The following TCHP variants were observed in gnomAD, a reference collection of about 807,000 sequenced individuals.
TCHP encodes trichoplein keratin filament binding, also known as trichoplein keratin filament-binding protein.
In TCHP, 81 loss-of-function variants were observed where a neutral mutation model predicts 88.7. The ratio of observed to expected loss-of-function variants is 0.91; its 90% confidence interval spans 0.76 to 1.10. The LOEUF (loss-of-function observed/expected upper bound fraction) is 1.10, where lower values mean the gene tolerates loss of function less well. TCHP is among the 50% of genes least tolerant of loss of function. The pLI is 0.00. For synonymous variants in TCHP, 232 were observed against 232.5 expected (o/e 1.00, Z 0.02); for missense variants, 641 against 632.1 (o/e 1.01, Z -0.15).
chr12:109,904,646 T>C (rs1870019334), intron 3 of TCHP, 91 bp from the exon 4 acceptor site: 1 of 1,183,044 alleles, frequency 8.5e-7, no homozygotes, highest in Non-Finnish European at 1.2e-6. Context: ...GAGGCACTCA[T>C]AGCCTGAGCT....
chr12:109,889,706 TGGCA>T, the TCHP span, among the ~76,000 whole-genome samples: 2 of 152,226 alleles, frequency 1.3e-5, no homozygotes, highest in Non-Finnish European at 2.9e-5. Flanking sequence ...GTTTGCATGC[TGGCA>T]GGCAGGCAGC....
rs757318051 is a variant in TCHP at position 109,907,712 on chromosome 12, C to T, written c.699+13C>T. 6.3e-7 allele frequency: 1 copy of T among 1,581,128 alleles called. No homozygotes were observed. The highest frequency in any genetic ancestry group is 1.1e-5 in the South Asian group (1 of 88,244). On this transcript the variant is annotated intron_variant, in intron 6 of 12. Coordinates refer to ENST00000405876, the MANE Select transcript of TCHP (RefSeq NM_001143852.2). ...GAAGGAGGTGGAGGTGGGCACAAGC[C>T]CCTCTCAGCCGTGACCTCCTCCACA... is the stretch of plus-strand genomic sequence containing the variant.
the TCHP span, among the ~76,000 whole-genome samples, chr12:109,894,496 T>G: frequency 7.3e-6 from 1 of 136,706 alleles, no homozygotes; most frequent in Admixed American, 7.5e-5. Context: ...CCGGGTGCAG[T>G]GGCTCATGGC....
the TCHP span, among the ~76,000 whole-genome samples, chr12:109,891,589 A>G: frequency 2.0e-5 from 3 of 149,976 alleles, no homozygotes; most frequent in South Asian, 6.3e-4. Flanking sequence ...TTTAGTAGAG[A>G]CTGGTTTCAC....
intron 4 of TCHP, among the ~76,000 whole-genome samples, chr12:109,906,053 A>G (rs1317851659): frequency 6.6e-6 from 1 of 152,156 alleles, no homozygotes; most frequent in Admixed American, 6.5e-5. Flanking sequence ...GTTGTGATCC[A>G]TTTTCTAATC....
upstream of TCHP, among the ~76,000 whole-genome samples, chr12:109,899,072 G>A (rs1180378735): frequency 6.6e-6 from 1 of 152,140 alleles, no homozygotes; most frequent in Non-Finnish European, 1.5e-5. Flanking sequence ...ACCCTCCTGG[G>A]CCTCCCAAAG....
upstream of TCHP, among the ~76,000 whole-genome samples, chr12:109,900,064 T>G (rs1869687811): frequency 6.6e-6 from 1 of 152,232 alleles, no homozygotes; most frequent in Admixed American, 6.5e-5. Context: ...ACTTACATTC[T>G]CTTCCCCCTG....
At chr12:109,897,730 G>T (rs560460017), upstream of TCHP, among the ~76,000 whole-genome samples, 13 of 152,006 alleles carry the variant, frequency 8.6e-5, no homozygotes, top group South Asian at 2.7e-3. Context: ...GCTAATTTTT[G>T]TATTTTTAGT....
At chr12:109,900,639 C>T (rs1293677037) in intron 1 of TCHP, 1 of 152,254 alleles carries the variant, frequency 6.6e-6, no homozygotes, top group Non-Finnish European at 1.5e-5. Flanking sequence ...AGCAGCCCAC[C>T]TTGTGGGTGG....
chr12:109,916,990 C>G lies in TCHP; in HGVS notation c.*367C>G, dbSNP rs759191841. ...TTGTCTCACCTTTAATTGTCAACCT[C>G]CAGTGTTGACTCTAGAAATATGAGG... is the stretch of plus-strand genomic sequence containing the variant. On this transcript the variant is annotated 3_prime_UTR_variant, in exon 13 of 13. Coordinates refer to ENST00000405876, the MANE Select transcript of TCHP (RefSeq NM_001143852.2). The G allele has an allele frequency of 9.3e-5, 19 of 204,810 alleles. No individual in the cohort carries two copies. The highest frequency in any genetic ancestry group is 5.5e-4 in the South Asian group (3 of 5,502). The allele number at this position is 204,810 out of a possible 1,614,324, so 12.7% of individuals were successfully genotyped here.
chr12:109,884,260 C>A, the TCHP span, among the ~76,000 whole-genome samples: 1 of 152,042 alleles, frequency 6.6e-6, no homozygotes, highest in Admixed American at 6.6e-5. Flanking sequence ...GCAATCTCAG[C>A]TCACTACAAG....
At chr12:109,898,124 C>G (rs1592902263), upstream of TCHP, among the ~76,000 whole-genome samples, 1 of 152,202 alleles carries the variant, frequency 6.6e-6, no homozygotes. Flanking sequence ...CAAGTTTGGG[C>G]TCACCTGGGA....
the TCHP span, among the ~76,000 whole-genome samples, chr12:109,891,276 A>G: frequency 6.6e-6 from 1 of 152,316 alleles, no homozygotes; most frequent in South Asian, 2.1e-4. Flanking sequence ...GGAAAATTGT[A>G]ACTTTCGCTT....
intron 8 of TCHP, 78 bp downstream of exon 8, chr12:109,909,015 G>A: frequency 2.2e-6 from 3 of 1,347,000 alleles, no homozygotes; most frequent in African/African-American, 1.4e-5. Context: ...GTATATGAGT[G>A]CATTCTCGTA....
chr12:109,903,846 C>A lies in TCHP; in HGVS notation c.189-91C>A. ...ACATTCCTGTGTCGTCATGACACAT[C>A]TACCTCAGCCTCTTTTACCGACACA... On this transcript the variant is annotated intron_variant, in intron 2 of 12. Coordinates refer to ENST00000405876, the MANE Select transcript of TCHP (RefSeq NM_001143852.2). The surrounding 1 kb of genome is among the most constrained non-coding windows in gnomAD (Gnocchi z 4.6). The A allele has an allele frequency of 9.7e-7, 1 of 1,034,566 alleles. No homozygotes were observed. Among genetic ancestry groups the A allele is most frequent in the South Asian group, 1.4e-5 (1 of 71,754 alleles). 64.1% of individuals were successfully genotyped at this position (1,034,566 alleles called of 1,614,324 possible). A position where few individuals can be genotyped will look rare whatever the true frequency, so the allele number is the denominator to read the frequency against.
chr12:109,899,573 G>A (rs1869664409), upstream of TCHP, among the ~76,000 whole-genome samples: 1 of 152,148 alleles, frequency 6.6e-6, no homozygotes, highest in African/African-American at 2.4e-5. Flanking sequence ...GTAAGGCGGA[G>A]GTTGCAGTGA....
intron 5 of TCHP, among the ~76,000 whole-genome samples, 192 bp downstream of exon 5, chr12:109,906,832 C>T (rs1870158914): frequency 6.6e-6 from 1 of 152,094 alleles, no homozygotes; most frequent in Non-Finnish European, 1.5e-5. Context: ...TGTGATAATT[C>T]CCAGGGCAGA....
chr12:109,907,121 T>C (rs1163843271), intron 5 of TCHP, among the ~76,000 whole-genome samples: 1 of 152,172 alleles, frequency 6.6e-6, no homozygotes, highest in African/African-American at 2.4e-5. Flanking sequence ...CTCCTGGCCT[T>C]AAACGATTCT....
At chr12:109,898,453 G>T (rs113454690), upstream of TCHP, among the ~76,000 whole-genome samples, 1 of 152,094 alleles carries the variant, frequency 6.6e-6, no homozygotes, top group African/African-American at 2.4e-5. Context: ...CAAGAGATCC[G>T]CCAGCCTTGG....
Sources: gnomAD v4.1 joint callset for allele counts (sites outside exome capture counted in the v4.1 genomes callset) on GRCh38, gnomAD v4.1.1 for gene constraint, Gnocchi (gnomAD v3.1) non-coding constraint, MANE v1.5 for transcripts, NCBI Gene and HGNC (gene_info 2026-07-23, HGNC 2026-07-21) for gene names.